Variants in ELMO2 observed in about 807,000 individuals in gnomAD.
ELMO2 encodes engulfment and cell motility protein 2.
In ELMO2, 37 loss-of-function variants were observed where a neutral mutation model predicts 96.2. That is an observed-to-expected ratio of 0.38 (90% CI 0.30 to 0.51). The LOEUF is 0.51. Among genes scored for constraint, ELMO2 ranks in the 20% least tolerant of loss-of-function variants. The pLI is 0.88. For synonymous variants in ELMO2, 315 were observed against 329.4 expected (o/e 0.96, Z 0.47); for missense variants, 561 against 912.6 (o/e 0.61, Z 4.96).
chr20:46,366,735 G>C lies in ELMO2; in HGVS notation c.*625C>G, dbSNP rs898816856. On this transcript the variant is annotated 3_prime_UTR_variant, in exon 22 of 22. Transcript: ENST00000290246. Reference sequence around the variant, plus strand: ...GGATGAGACTGAGCGCTTGCAGGGAGAAATTTCCGTCTGCTCTGATATCTG... The same window carrying C: ...GGATGAGACTGAGCGCTTGCAGGGACAAATTTCCGTCTGCTCTGATATCTG... 6.6e-6 allele frequency: 1 copy of C among 152,642 alleles called. No individual in the cohort carries two copies. Among genetic ancestry groups the C allele is most frequent in the African/African-American group, 2.4e-5 (1 of 41,454 alleles). 9.5% of individuals were successfully genotyped at this position (152,642 alleles called of 1,614,324 possible).
At chr20:46,372,193 TG>T (rs1454511617) in intron 16 of ELMO2, among the ~76,000 whole-genome samples, 1 of 152,122 alleles carries the variant, frequency 6.6e-6, no homozygotes, top group Non-Finnish European at 1.5e-5. Flanking sequence ...GTCAATGGTG[TG>T]GGGGAAATGA....
chr20:46,389,091 C>T lies in ELMO2; in HGVS notation c.373G>A (p.Gly125Ser), dbSNP rs779094272. 2 of 1,613,982 alleles carry T rather than the reference C, an allele frequency of 1.2e-6. No homozygotes were observed. The highest frequency in any genetic ancestry group is 1.7e-6 in the Non-Finnish European group (2 of 1,179,960). The change falls in exon 7 of 22, where the codon GGC becomes AGC. Residue 125 changes from glycine (G) to serine (S), a missense_variant. Gly to Ser is a moderately conservative substitution (Grantham distance 56, BLOSUM62 0). Coordinates refer to ENST00000290246, the MANE Select transcript of ELMO2 (RefSeq NM_133171.5). Reference sequence around the variant, plus strand: ...ACGAGCCTTGTCAGCACAATGATGCCATCCATGTTGATGAACTCAGTAGCG... The same window carrying T: ...ACGAGCCTTGTCAGCACAATGATGCTATCCATGTTGATGAACTCAGTAGCG... ...TFATEFINMD[G>S]IIVLTRLVES...
intron 3 of ELMO2, 145 bp downstream of exon 3, chr20:46,394,258 CCT>C: frequency 8.8e-7 from 1 of 1,137,508 alleles, no homozygotes; most frequent in Non-Finnish European, 1.3e-6. Flanking sequence ...ACCGACCTTC[CCT>C]AGGGTGGGCC....
rs775381626 is a variant in ELMO2, at chr20:46,386,321, A to G, written c.526-46T>C. On this transcript the variant is annotated intron_variant, in intron 8 of 21. Transcript: ENST00000290246. ...TCAATTGAGAAGCTCAGGGCCCAAG[A>G]AAGATAGAAGCTTAGCATCTGATGC... 13 of 1,604,670 alleles carry G rather than the reference A, an allele frequency of 8.1e-6. No homozygotes were observed. In the South Asian group the frequency reaches 9.9e-5, roughly 12 times the overall value.
At chr20:46,397,450 G>A (rs562847452) in intron 2 of ELMO2, among the ~76,000 whole-genome samples, 30 of 152,218 alleles carry the variant, frequency 2.0e-4, no homozygotes, top group African/African-American at 7.0e-4. Flanking sequence ...TGGGTGGATC[G>A]CCTGAGGTCA....
intron 2 of ELMO2, among the ~76,000 whole-genome samples, chr20:46,395,992 T>C (rs573024211): frequency 1.3e-5 from 2 of 152,374 alleles, no homozygotes; most frequent in East Asian, 3.9e-4. Flanking sequence ...CTTCGGCCAA[T>C]GCTTTCCCCT....
rs1042484423 is a variant in ELMO2 at position 46,387,553 on chromosome 20, T to C, written c.426-116A>G. On this transcript the variant is annotated intron_variant, in intron 7 of 21. Coordinates refer to ENST00000290246, the MANE Select transcript of ELMO2 (RefSeq NM_133171.5). ...ATGTGAACACCCCATGGGAAATCAG[T>C]CGATGCAACTGTAACTGTAAGTGCC... 2.1e-4 allele frequency: 153 copies of C among 723,814 alleles called. 5 individuals carry two copies. The highest frequency in any genetic ancestry group is 1.4e-3 in the South Asian group (81 of 57,770). The allele number at this position is 723,814 out of a possible 1,614,324, so 44.8% of individuals were successfully genotyped here. A position where few individuals can be genotyped will look rare whatever the true frequency, so the allele number is the denominator to read the frequency against.
intron 2 of ELMO2, among the ~76,000 whole-genome samples, chr20:46,396,480 A>G (rs2060246735): frequency 6.6e-6 from 1 of 152,212 alleles, no homozygotes; most frequent in South Asian, 2.1e-4. Flanking sequence ...TCAAAACGAG[A>G]CACTGAACAT....
chr20:46,377,773 C>A (rs2059889867), intron 11 of ELMO2, among the ~76,000 whole-genome samples: 1 of 152,212 alleles, frequency 6.6e-6, no homozygotes, highest in Non-Finnish European at 1.5e-5. Context: ...CGTGAGATCG[C>A]TCTTCTTAGC....
chr20:46,394,239 G>A (rs1480534338), intron 3 of ELMO2, 150 bp from the exon 4 acceptor site: 13 of 1,116,914 alleles, frequency 1.2e-5, no homozygotes, highest in Non-Finnish European at 1.7e-5. Flanking sequence ...CCTCTCCCAA[G>A]CCATGGTGAC....
At chr20:46,377,853 T>C (rs2059891386) in intron 11 of ELMO2, among the ~76,000 whole-genome samples, 1 of 152,162 alleles carries the variant, frequency 6.6e-6, no homozygotes, top group Admixed American at 6.5e-5. Context: ...CCCTGCCCCA[T>C]AACTTCCCTT....
At chr20:46,377,093 C>A in intron 11 of ELMO2, 1 of 258,888 alleles carries the variant, frequency 3.9e-6, no homozygotes, top group Non-Finnish European at 7.6e-6. Context: ...TGGATCAGCT[C>A]TCCCTAGAGT....
At chr20:46,388,931 T>G in intron 7 of ELMO2, 108 bp downstream of exon 7, 3 of 1,082,634 alleles carry the variant, frequency 2.8e-6, no homozygotes, top group Non-Finnish European at 4.0e-6. Context: ...TGCACACAGG[T>G]GGTATTCAAT....
intron 15 of ELMO2, 144 bp downstream of exon 15, chr20:46,374,188 T>C: frequency 2.0e-6 from 1 of 505,112 alleles, no homozygotes; most frequent in Admixed American, 2.7e-5. Flanking sequence ...GTGATCCTCC[T>C]GCCTCAGTCT....
At chr20:46,380,123 TA>T in intron 11 of ELMO2, 129 bp downstream of exon 11, 1 of 755,746 alleles carries the variant, frequency 1.3e-6, no homozygotes, top group Non-Finnish European at 2.2e-6. Context: ...GTTCAAGAGG[TA>T]TTTACCTATT....
intron 16 of ELMO2, among the ~76,000 whole-genome samples, chr20:46,372,406 G>A (rs192415848): frequency 2.0e-4 from 31 of 152,282 alleles, no homozygotes; most frequent in Middle Eastern, 3.4e-3. Context: ...TGAGGCAGGC[G>A]GATCACCTGA....
chr20:46,393,980 C>T, intron 4 of ELMO2, 69 bp downstream of exon 4: 1 of 1,606,882 alleles, frequency 6.2e-7, no homozygotes, highest in Non-Finnish European at 8.5e-7. Flanking sequence ...CCAGAACTCC[C>T]CTCAAGGTGT....
rs527788665 is a variant in ELMO2, at chr20:46,374,868, G to C, written c.1066-228C>G. Among the ~76,000 whole-genome samples, 8 of 152,270 alleles carry C rather than the reference G, an allele frequency of 5.3e-5. No homozygotes were observed. The South Asian group carries it at 1.2e-3, about 24-fold the overall frequency. On this transcript the variant is annotated intron_variant, in intron 13 of 21. Transcript: ENST00000290246. ...CCTACTTCACATGCTGCTGCACACT[G>C]AGTAGGTACGCAAGAAATACTTCTT...
At position 46,393,589 on chromosome 20, in the gene ELMO2, T is replaced by C. The variant is rs112345822; in HGVS notation, c.132A>G (p.Pro44=). 6.2e-7 allele frequency: 1 copy of C among 1,613,834 alleles called. No individual in the cohort carries two copies. The highest frequency in any genetic ancestry group is 1.1e-5 in the South Asian group (1 of 91,066). ...IKEVCDGWSL[P]NPEYYTLRYA... ...AACGGAGGGTATAATACTCTGGGTT[T>C]GGCAACGACCACCTATGCAAGAGAA... The change falls in exon 5 of 22, where the codon CCA becomes CCG. Residue 44 remains proline (P), a synonymous_variant. Transcript: ENST00000290246.
Sources: gnomAD v4.1 joint callset for allele counts (sites outside exome capture counted in the v4.1 genomes callset) on GRCh38, gnomAD v4.1.1 for gene constraint, MANE v1.5 for transcripts, NCBI Gene and HGNC (gene_info 2026-07-23, HGNC 2026-07-21) for gene names.